Variants in RALGAPA1 observed in about 807,000 individuals in gnomAD.
RALGAPA1 encodes Ral GTPase activating protein catalytic subunit alpha 1.
In RALGAPA1, 52 loss-of-function variants were observed where a neutral mutation model predicts 269.6. That is an observed-to-expected ratio of 0.19 (90% CI 0.15 to 0.24). The LOEUF (loss-of-function observed/expected upper bound fraction) is 0.24. RALGAPA1 is among the 10% of genes least tolerant of loss of function. The probability of loss-of-function intolerance (pLI) is 1.00; values close to 1 mark genes in which losing one functional copy is unlikely to be tolerated. For missense variants in RALGAPA1, 1,917 were observed against 3,013.9 expected (o/e 0.64, Z 8.52); for synonymous variants, 817 against 1,008.3 (o/e 0.81, Z 3.60).
At chr14:35,748,169 AG>A (rs2072307797) in intron 10 of RALGAPA1, among the ~76,000 whole-genome samples, 1 of 152,058 alleles carries the variant, frequency 6.6e-6, no homozygotes, top group African/African-American at 2.4e-5. Context: ...TTACGCTAAA[AG>A]TATCACAAAC....
intron 3 of RALGAPA1, among the ~76,000 whole-genome samples, chr14:35,771,740 T>C (rs1449458455): frequency 6.6e-6 from 1 of 152,020 alleles, no homozygotes; most frequent in African/African-American, 2.4e-5. Flanking sequence ...AGCATGATCA[T>C]AGTGCATCAC....
intron 1 of RALGAPA1, among the ~76,000 whole-genome samples, chr14:35,786,578 C>T (rs1349831851): frequency 1.3e-5 from 2 of 151,988 alleles, no homozygotes; most frequent in Non-Finnish European, 2.9e-5. Flanking sequence ...GCAGAGGTTG[C>T]AGTGAGCCGG....
At chr14:35,599,234 A>C (rs888347375) in intron 36 of RALGAPA1, among the ~76,000 whole-genome samples, 3 of 152,244 alleles carry the variant, frequency 2.0e-5, no homozygotes, top group Non-Finnish European at 2.9e-5. Context: ...TCAAGATGAG[A>C]AAGCACAGTG....
chr14:35,588,418 T>G (rs2058443179), intron 37 of RALGAPA1, among the ~76,000 whole-genome samples: 1 of 152,226 alleles, frequency 6.6e-6, no homozygotes, highest in South Asian at 2.1e-4. Flanking sequence ...TGCCATATAA[T>G]TAGCAAGTTT....
intron 37 of RALGAPA1, among the ~76,000 whole-genome samples, chr14:35,573,961 T>C (rs1392442317): frequency 6.6e-6 from 1 of 152,210 alleles, no homozygotes; most frequent in African/African-American, 2.4e-5. Flanking sequence ...CCAGGAGGGA[T>C]GATCCAATCT....
At chr14:35,567,774 G>C (rs1312166078) in intron 39 of RALGAPA1, among the ~76,000 whole-genome samples, 1 of 152,054 alleles carries the variant, frequency 6.6e-6, no homozygotes, top group African/African-American at 2.4e-5. Flanking sequence ...TCAATAAGTT[G>C]AGTTCCTATT....
At chr14:35,634,170 T>C (rs1448805065) in intron 33 of RALGAPA1, among the ~76,000 whole-genome samples, 2 of 152,142 alleles carry the variant, frequency 1.3e-5, no homozygotes, top group Non-Finnish European at 2.9e-5. Flanking sequence ...ATCCCTAATC[T>C]GAAAATCTGA....
At chr14:35,696,227 C>G (rs1164428412) in intron 17 of RALGAPA1, among the ~76,000 whole-genome samples, 5 of 151,892 alleles carry the variant, frequency 3.3e-5, no homozygotes, top group African/African-American at 1.2e-4. Context: ...CAGAATTTCC[C>G]TGGGCAACAA....
chr14:35,625,053 G>A lies in RALGAPA1; in HGVS notation c.6929+308C>T, dbSNP rs1321176218. Reference sequence around the variant, plus strand: ...AAAAATACAAAAAAAAGTTAGCCGGGTGTGGTGGTGGGTGCCTGTAGTCCC... The same window carrying A: ...AAAAATACAAAAAAAAGTTAGCCGGATGTGGTGGTGGGTGCCTGTAGTCCC... On this transcript the variant is annotated intron_variant, in intron 35 of 41. Transcript: ENST00000680220. 2.6e-5 allele frequency among the ~76,000 whole-genome samples: 4 copies of A among 150,994 alleles called. No individual in the cohort carries two copies. The East Asian group carries it at 7.8e-4, about 29-fold the overall frequency.
chr14:35,748,573 G>C lies in RALGAPA1; in HGVS notation c.1251+12C>G, dbSNP rs779090190. 12 of 1,590,386 alleles carry C rather than the reference G, an allele frequency of 7.5e-6. No homozygotes were observed. Among genetic ancestry groups the C allele is most frequent in the Admixed American group, 3.6e-5 (2 of 55,524 alleles). On this transcript the variant is annotated intron_variant, in intron 10 of 41. Coordinates refer to ENST00000680220, the MANE Select transcript of RALGAPA1 (RefSeq NM_001346249.2). ...CTTCCTTATAAATTAAAAATACTGA[G>C]AGGTATGTTACCTGACGAAATATCT...
At chr14:35,791,904 CAAAAAAAAAA>C (rs773722682) in intron 1 of RALGAPA1, among the ~76,000 whole-genome samples, 5 of 11,774 alleles carry the variant, frequency 4.2e-4, no homozygotes, top group Admixed American at 1.0e-3. Context: ...GACTCTGTCT[CAAAAAAAAAA>C]AAAAAAAAAA....
At chr14:35,704,269 G>A (rs776889384) in intron 16 of RALGAPA1, among the ~76,000 whole-genome samples, 1 of 152,104 alleles carries the variant, frequency 6.6e-6, no homozygotes, top group Non-Finnish European at 1.5e-5. Flanking sequence ...TTATGAGTAT[G>A]TTCAAAAATA....
intron 5 of RALGAPA1, 28 bp from the exon 6 acceptor site, chr14:35,761,034 T>G (rs2073653753): frequency 6.7e-7 from 1 of 1,490,298 alleles, no homozygotes; most frequent in South Asian, 1.3e-5. Context: ...TAGACAGTAT[T>G]TTTATTTATA....
At chr14:35,576,177 G>C (rs2057548549) in intron 37 of RALGAPA1, among the ~76,000 whole-genome samples, 1 of 152,144 alleles carries the variant, frequency 6.6e-6, no homozygotes, top group East Asian at 1.9e-4. Flanking sequence ...GTATGGAATA[G>C]AATTACAGTA....
intron 14 of RALGAPA1, among the ~76,000 whole-genome samples, chr14:35,724,767 GT>G (rs1162816971): frequency 6.6e-6 from 1 of 152,068 alleles, no homozygotes; most frequent in East Asian, 1.9e-4. Flanking sequence ...TCATTAGCCT[GT>G]TTGTTCACAG....
chr14:35,684,077 A>C, intron 20 of RALGAPA1, 92 bp from the exon 21 acceptor site: 1 of 922,902 alleles, frequency 1.1e-6, no homozygotes, highest in South Asian at 1.7e-5. Flanking sequence ...AAACATAAAC[A>C]TTCCCCGTAC....
chr14:35,716,135 T>G, intron 16 of RALGAPA1: 1 of 973,502 alleles, frequency 1.0e-6, no homozygotes, highest in Non-Finnish European at 1.2e-6. Context: ...GGCTCATGCC[T>G]ATAATCCCAG....
At chr14:35,715,570 C>G in intron 16 of RALGAPA1, 1 of 232,592 alleles carries the variant, frequency 4.3e-6, no homozygotes, top group South Asian at 1.6e-4. Flanking sequence ...AATTTGTTTC[C>G]ATGTTTACTG....
intron 1 of RALGAPA1, among the ~76,000 whole-genome samples, chr14:35,808,300 T>G (rs1408707896): frequency 2.0e-5 from 3 of 152,164 alleles, no homozygotes; most frequent in African/African-American, 7.2e-5. Context: ...AACTGCTACC[T>G]CCTTGTCTTC....
Sources: allele counts gnomAD v4.1 joint callset (sites outside exome capture counted in the v4.1 genomes callset), GRCh38; gene constraint gnomAD v4.1.1; transcripts MANE v1.5; gene names NCBI Gene and HGNC (gene_info 2026-07-23, HGNC 2026-07-21).